Variants in UNC5C observed in about 807,000 individuals in gnomAD.
UNC5C encodes unc-5 netrin receptor C.
In UNC5C, 47 loss-of-function variants were observed where a neutral mutation model predicts 99.8. The observed-to-expected ratio is 0.47, with a 90% CI of 0.37 to 0.60. The LOEUF (loss-of-function observed/expected upper bound fraction) is 0.60, where lower values mean the gene tolerates loss of function less well. Ranked by LOEUF, UNC5C falls within the 20% of genes least tolerant of loss-of-function variation. The pLI, the probability that UNC5C is intolerant of heterozygous loss-of-function variation, is 0.00. For synonymous variants in UNC5C, 487 were observed against 452.2 expected (o/e 1.08, Z -0.98); for missense variants, 1,062 against 1,165.9 (o/e 0.91, Z 1.30).
intron 5 of UNC5C, among the ~76,000 whole-genome samples, chr4:95,249,008 T>A (rs555744092): frequency 3.3e-5 from 5 of 152,280 alleles, no homozygotes; most frequent in South Asian, 4.1e-4. Flanking sequence ...TCTTTTTTTT[T>A]ATCTTTGATA....
chr4:95,378,430 T>G (rs1234320481), intron 1 of UNC5C, among the ~76,000 whole-genome samples: 1 of 152,206 alleles, frequency 6.6e-6, no homozygotes, highest in Non-Finnish European at 1.5e-5. Flanking sequence ...AAGGGTATTG[T>G]GGCTGATGAT....
chr4:95,231,187 T>G (rs1738898272), intron 7 of UNC5C, among the ~76,000 whole-genome samples: 1 of 152,108 alleles, frequency 6.6e-6, no homozygotes, highest in African/African-American at 2.4e-5. Flanking sequence ...TATCAGATAC[T>G]TGGCCAAAAA....
At chr4:95,526,780 CTGTATTTCTATGAAACTACTCA>C (rs560365226) in intron 1 of UNC5C, among the ~76,000 whole-genome samples, 1,596 of 151,936 alleles carry the variant, frequency 0.011, 11 homozygotes, top group Middle Eastern at 0.024. Flanking sequence ...GAATTTTGTT[CTGTATTTCTATGAAACTACTCA>C]TGTGGATTGA....
intron 1 of UNC5C, among the ~76,000 whole-genome samples, chr4:95,394,713 C>G (rs978026806): frequency 3.4e-5 from 5 of 145,274 alleles, no homozygotes; most frequent in Non-Finnish European, 7.4e-5. Context: ...TATTTTTATC[C>G]TTTGTTAGTG....
intron 1 of UNC5C, among the ~76,000 whole-genome samples, chr4:95,424,518 C>CTTTTTTTTTTTTTTTTTTTTTTTTT (rs536039867): frequency 8.7e-4 from 59 of 67,966 alleles, no homozygotes; most frequent in East Asian, 1.3e-3. Flanking sequence ...TTTTTCTTTT[C>CTTTTTTTTTTTTTTTTTTTTTTTTT]TTTTTTTTTT....
intron 1 of UNC5C, among the ~76,000 whole-genome samples, chr4:95,482,662 T>A (rs1252253742): frequency 7.3e-6 from 1 of 137,768 alleles, no homozygotes. Flanking sequence ...ATATACACCA[T>A]GGAATACTAT....
chr4:95,242,602 G>A lies in UNC5C; in HGVS notation c.944-9C>T. On this transcript the variant is annotated splice_polypyrimidine_tract_variant and intron_variant, in intron 6 of 15. Coordinates refer to ENST00000453304, the MANE Select transcript of UNC5C (RefSeq NM_003728.4). Reference sequence around the variant, plus strand: ...CGTCCACCTGCCATCCACTGCCATGGAAAAAATGCAGCAGGAGGTCAGAGG... The same window carrying A: ...CGTCCACCTGCCATCCACTGCCATGAAAAAAATGCAGCAGGAGGTCAGAGG... The A allele has an allele frequency of 6.4e-7, 1 of 1,555,342 alleles. No homozygotes were observed. The highest frequency in any genetic ancestry group is 8.7e-7 in the Non-Finnish European group (1 of 1,148,300).
At chr4:95,372,026 CTCCTGAAACCATT>C (rs1298159114) in intron 1 of UNC5C, among the ~76,000 whole-genome samples, 1 of 152,144 alleles carries the variant, frequency 6.6e-6, no homozygotes, top group African/African-American at 2.4e-5. Flanking sequence ...AGTGCAATGC[CTCCTGAAACCATT>C]TCCTGAAACA....
In UNC5C at chr4:95,242,583, C is replaced by G; in HGVS notation, c.954G>C (p.Arg318Ser). The G allele has an allele frequency of 4.4e-6, 7 of 1,582,528 alleles. No homozygotes were observed. Among genetic ancestry groups the G allele is most frequent in the African/African-American group, 1.3e-5 (1 of 74,134 alleles). ...TAGACCACTTGCTCCATGGCGTCCA[C>G]CTGCCATCCACTGCCATGGAAAAAA... ...ACTTLCPVDG[R>S]WTPWSKWSTC... Residue 318 changes from arginine (R) to serine (S), a missense_variant, in exon 7 of 16, where the codon AGG becomes AGC. Around this residue, in one of 3 missense-constraint regions of UNC5C, gnomAD observed 810 missense variants for 854.5 expected, o/e 0.95. Transcript: ENST00000453304.
At chr4:95,500,500 C>T (rs1205512857) in intron 1 of UNC5C, among the ~76,000 whole-genome samples, 1 of 152,052 alleles carries the variant, frequency 6.6e-6, no homozygotes, top group Non-Finnish European at 1.5e-5. Flanking sequence ...TTTTTCCTAA[C>T]CTTTCTAAAC....
At chr4:95,390,572 C>T (rs918850229) in intron 1 of UNC5C, among the ~76,000 whole-genome samples, 3 of 152,298 alleles carry the variant, frequency 2.0e-5, no homozygotes, top group Admixed American at 6.5e-5. Context: ...GGGCCTATTT[C>T]CTTATTTCCA....
chr4:95,311,881 A>T (rs1742289706), intron 2 of UNC5C, among the ~76,000 whole-genome samples: 1 of 152,208 alleles, frequency 6.6e-6, no homozygotes, highest in Non-Finnish European at 1.5e-5. Context: ...CTGTCTCTAC[A>T]AATAAAAATC....
intron 1 of UNC5C, among the ~76,000 whole-genome samples, chr4:95,537,908 G>A (rs1722822668): frequency 6.6e-6 from 1 of 151,972 alleles, no homozygotes; most frequent in Non-Finnish European, 1.5e-5. Context: ...TCAGCTAAAA[G>A]TAAAAAAAAT....
intron 14 of UNC5C, among the ~76,000 whole-genome samples, chr4:95,175,818 G>A (rs1361073692): frequency 2.0e-5 from 3 of 151,960 alleles, no homozygotes; most frequent in Admixed American, 6.6e-5. Context: ...AAGTTCTCCT[G>A]GATAATATCC....
At chr4:95,236,558 T>A (rs1313917349) in intron 7 of UNC5C, among the ~76,000 whole-genome samples, 2 of 151,218 alleles carry the variant, frequency 1.3e-5, no homozygotes, top group African/African-American at 2.4e-5. Context: ...GTTGTGAACA[T>A]GTGCCCTAGA....
At chr4:95,367,789 G>A (rs1018533521) in intron 1 of UNC5C, among the ~76,000 whole-genome samples, 1 of 152,026 alleles carries the variant, frequency 6.6e-6, no homozygotes, top group African/African-American at 2.4e-5. Context: ...TTGTTTCAAG[G>A]AGATCAATTA....
intron 2 of UNC5C, among the ~76,000 whole-genome samples, chr4:95,324,633 C>G (rs2149414782): frequency 6.6e-6 from 1 of 152,238 alleles, no homozygotes; most frequent in East Asian, 1.9e-4. Flanking sequence ...TGTTGAAATA[C>G]TAACTCCCTA....
intron 1 of UNC5C, among the ~76,000 whole-genome samples, chr4:95,432,675 C>A (rs1746665141): frequency 6.6e-6 from 1 of 152,048 alleles, no homozygotes; most frequent in Non-Finnish European, 1.5e-5. Flanking sequence ...CAATTAAATA[C>A]CCCTGATTTA....
At chr4:95,509,522 T>A (rs1722011276) in intron 1 of UNC5C, among the ~76,000 whole-genome samples, 1 of 151,872 alleles carries the variant, frequency 6.6e-6, no homozygotes. Flanking sequence ...ATCTGAAGCT[T>A]GACATCCATT....
Sources: gnomAD v4.1 joint callset for allele counts (sites outside exome capture counted in the v4.1 genomes callset) on GRCh38, gnomAD v4.1.1 for gene constraint, gnomAD v4.1.1 regional missense constraint, MANE v1.5 for transcripts, NCBI Gene and HGNC (gene_info 2026-07-23, HGNC 2026-07-21) for gene names.